The following MYH11 variants were observed in gnomAD, a reference collection of about 807,000 sequenced individuals.
MYH11 encodes the protein myosin-11.
In MYH11, 80 loss-of-function variants were observed where a neutral mutation model predicts 246.6. That is an observed-to-expected ratio of 0.32 (90% CI 0.27 to 0.39). MYH11 has a LOEUF of 0.39. MYH11 is among the 10% of genes least tolerant of loss of function. MYH11 has a pLI of 1.00. For synonymous variants in MYH11, 1,071 were observed against 1,015.5 expected (o/e 1.05, Z -1.04); for missense variants, 2,158 against 2,546.8 (o/e 0.85, Z 3.29).
At chr16:15,765,690 C>A (rs1467467469) in intron 9 of MYH11, among the ~76,000 whole-genome samples, 1 of 152,150 alleles carries the variant, frequency 6.6e-6, no homozygotes, top group African/African-American at 2.4e-5. Context: ...GGGTCCCTGG[C>A]CCAGCTCAGC....
intron 28 of MYH11, chr16:15,726,360 G>GT (rs201031036): frequency 1.6e-4 from 27 of 168,862 alleles, no homozygotes; most frequent in Admixed American, 3.3e-4. Context: ...AAAAGGAAGG[G>GT]TTTTTTTTCT....
At chr16:15,727,170 C>T in intron 27 of MYH11, 116 bp from the exon 28 acceptor site, 1 of 852,680 alleles carries the variant, frequency 1.2e-6, no homozygotes, top group Non-Finnish European at 1.9e-6. Context: ...AGGGGGCACA[C>T]AATCACCAGT....
At chr16:15,805,274 G>A (rs565171664) in intron 3 of MYH11, among the ~76,000 whole-genome samples, 84 of 152,228 alleles carry the variant, frequency 5.5e-4, no homozygotes, top group African/African-American at 1.9e-3. Context: ...TTGAGAAAAC[G>A]GTGCCTTTCT....
At chr16:15,715,659 G>C (rs1442808833) in intron 38 of MYH11, among the ~76,000 whole-genome samples, 2 of 152,142 alleles carry the variant, frequency 1.3e-5, no homozygotes, top group African/African-American at 4.8e-5. Context: ...AGGTCTTGCT[G>C]TGTGACCCAG....
chr16:15,802,194 C>T (rs1785797579), intron 3 of MYH11, among the ~76,000 whole-genome samples: 1 of 152,168 alleles, frequency 6.6e-6, no homozygotes, highest in South Asian at 2.1e-4. Context: ...AAGAAAGAGC[C>T]ACCGCATTAG....
intron 37 of MYH11, 111 bp from the exon 38 acceptor site, chr16:15,717,459 G>T: frequency 9.0e-7 from 1 of 1,116,634 alleles, no homozygotes; most frequent in Non-Finnish European, 1.3e-6. Context: ...CCTTGATCCC[G>T]GGCACCCTGT....
Position 15,745,132 on chromosome 16 carries a change from G to C in MYH11, c.2517C>G (p.Thr839=), listed in dbSNP as rs1222457297. The C allele has an allele frequency of 6.2e-7, 1 of 1,613,572 alleles. No homozygotes were observed. The highest frequency in any genetic ancestry group is 1.7e-5 in the Admixed American group (1 of 60,010). The change falls in exon 20 of 41, where the codon ACC becomes ACG. Residue 839 remains threonine, a synonymous_variant. Coordinates refer to ENST00000300036, the MANE Select transcript of MYH11 (RefSeq NM_002474.3). ...LRNWQWWRLF[T]KVKPLLQVTR... ...GGGGCTGGGGCAGAGCACTCACTTT[G>C]GTGAAAAGCCTCCACCACTGCCAGT...
Position 15,703,766 on chromosome 16 carries a change from C to G in MYH11, c.*225G>C, listed in dbSNP as rs1242385456. On this transcript the variant is annotated 3_prime_UTR_variant, in exon 41 of 41. Coordinates refer to ENST00000300036, the MANE Select transcript of MYH11 (RefSeq NM_002474.3). ...ACCACGCCCAGCTTATTTTTAAATT[C>G]TTGTATAGATGAGGTTTTACTACGT... 5.0e-6 allele frequency: 3 copies of G among 597,826 alleles called. No individual in the cohort carries two copies. The highest frequency in any genetic ancestry group is 1.9e-5 in the African/African-American group (1 of 53,344). The allele number at this position is 597,826 out of a possible 1,614,324, so 37.0% of individuals were successfully genotyped here. A position where few individuals can be genotyped will look rare whatever the true frequency, so the allele number is the denominator to read the frequency against.
intron 3 of MYH11, among the ~76,000 whole-genome samples, chr16:15,812,227 G>A (rs542626518): frequency 1.2e-4 from 19 of 152,240 alleles, no homozygotes; most frequent in African/African-American, 4.3e-4. Context: ...CAAATCTGCA[G>A]CAAGTTCTCC....
intron 31 of MYH11, among the ~76,000 whole-genome samples, chr16:15,723,784 G>A (rs921046909): frequency 1.3e-5 from 2 of 152,206 alleles, no homozygotes; most frequent in Non-Finnish European, 2.9e-5. Flanking sequence ...TTAGGGAAGA[G>A]TGGTATTAAA....
intron 6 of MYH11, among the ~76,000 whole-genome samples, chr16:15,782,097 T>C (rs555115740): frequency 2.0e-5 from 3 of 152,136 alleles, no homozygotes; most frequent in Non-Finnish European, 4.4e-5. Flanking sequence ...CCCAGGCTGG[T>C]CTAGAACCCC....
At chr16:15,805,304 C>T (rs2042983675) in intron 3 of MYH11, among the ~76,000 whole-genome samples, 1 of 152,182 alleles carries the variant, frequency 6.6e-6, no homozygotes, top group African/African-American at 2.4e-5. Flanking sequence ...ACATGAGTGT[C>T]ACATGGCCTA....
chr16:15,778,169 A>C (rs900150310), intron 7 of MYH11, among the ~76,000 whole-genome samples: 5 of 152,094 alleles, frequency 3.3e-5, no homozygotes, highest in African/African-American at 7.2e-5. Context: ...ACTTGGCTCC[A>C]CTTCACCGCT....
rs572197060 is a variant in MYH11 at position 15,831,969 on chromosome 16, T to C, written c.345+5939A>G. The stretch of plus-strand genomic sequence containing the variant: ...AAAAAAAGATCAGAAGGGCTAATGC[T>C]TGGGGCTTGACAAAGGGCAGCTTCC... On this transcript the variant is annotated intron_variant, in intron 2 of 40. Transcript: ENST00000300036. 1.4e-3 allele frequency among the ~76,000 whole-genome samples: 210 copies of C among 151,804 alleles called. 1 individual carries two copies. Among genetic ancestry groups the C allele is most frequent in the African/African-American group, 4.8e-3 (198 of 41,420 alleles).
intron 40 of MYH11, chr16:15,712,882 G>GTTTTTTTTGTTTTTTTTTTTTTTTTTTT (rs1555549364): frequency 1.1e-5 from 1 of 90,636 alleles, no homozygotes; most frequent in Non-Finnish European, 2.3e-5. Flanking sequence ...TTCACATACA[G>GTTTTTTTTGTTTTTTTTTTTTTTTTTTT]TTTTTTTTTT....
At chr16:15,810,255 G>C (rs528948268) in intron 3 of MYH11, among the ~76,000 whole-genome samples, 1 of 151,750 alleles carries the variant, frequency 6.6e-6, no homozygotes, top group Non-Finnish European at 1.5e-5. Flanking sequence ...GGCTGGTCTC[G>C]AACTCCTGAC....
At chr16:15,761,327 G>T (rs908342248) in intron 10 of MYH11, among the ~76,000 whole-genome samples, 2 of 152,132 alleles carry the variant, frequency 1.3e-5, no homozygotes, top group African/African-American at 4.8e-5. Context: ...TGCCCAGGCT[G>T]GTCTCGAAGT....
chr16:15,724,389 C>A lies in MYH11; in HGVS notation c.4137G>T (p.Lys1379Asn). 6.2e-7 allele frequency: 1 copy of A among 1,614,012 alleles called. No homozygotes were observed. Reference sequence around the variant, plus strand: ...CCACGGTGCTGGCAAAGTCCTGCAGCTTCTTCTTCGAGTCGGAGAGCTACA... The same window carrying A: ...CCACGGTGCTGGCAAAGTCCTGCAGATTCTTCTTCGAGTCGGAGAGCTACA... ...LNIQLSDSKK[K>N]LQDFASTVEA... Residue 1379 changes from lysine (K) to asparagine (N), a missense_variant, in exon 31 of 41, where the codon AAG (lysine) becomes AAT (asparagine). Lys to Asn is a moderately conservative substitution (Grantham distance 94). This residue lies in a region of MYH11 where 1,013 missense variants were observed against 993.5 expected (regional missense o/e 1.02). Coordinates refer to ENST00000300036, the MANE Select transcript of MYH11 (RefSeq NM_002474.3).
At chr16:15,704,161 A>G (rs767970254) in intron 40 of MYH11, 38 bp from the exon 41 acceptor site, 4 of 1,612,328 alleles carry the variant, frequency 2.5e-6, no homozygotes, top group African/African-American at 2.7e-5. Context: ...TAGCAAAGAA[A>G]TCTTCATGGT....
Sources: allele counts gnomAD v4.1 joint callset (sites outside exome capture counted in the v4.1 genomes callset), GRCh38; gene constraint gnomAD v4.1.1; regional missense constraint gnomAD v4.1.1; transcripts MANE v1.5; gene names NCBI Gene and HGNC (gene_info 2026-07-23, HGNC 2026-07-21).